NRXN3: variants seen among roughly 807,000 people sequenced by gnomAD.
The protein encoded by NRXN3 is neurexin III.
In NRXN3, 32 loss-of-function variants were observed where a neutral mutation model predicts 137.6. That is an observed-to-expected ratio of 0.23 (90% confidence interval 0.18 to 0.31). The LOEUF (loss-of-function observed/expected upper bound fraction) is 0.31. Among genes scored for constraint, NRXN3 ranks in the 10% least tolerant of loss-of-function variants. NRXN3 has a pLI of 1.00. For synonymous variants in NRXN3, 798 were observed against 784.5 expected, an observed-to-expected ratio of 1.02 and a Z score of -0.29; for missense variants, 1,574 against 2,062.5, an observed-to-expected ratio of 0.76 and a Z score of 4.59.
chr14:78,811,128 T>C (rs1304371892), intron 10 of NRXN3, among the ~76,000 whole-genome samples: 1 of 152,212 alleles, frequency 6.6e-6, no homozygotes, highest in Non-Finnish European at 1.5e-5. Flanking sequence ...GGAAGAAATA[T>C]GCTTTGAGTA....
intron 15 of NRXN3, among the ~76,000 whole-genome samples, chr14:79,076,192 A>C (rs1003891112): frequency 6.6e-6 from 1 of 152,108 alleles, no homozygotes; most frequent in African/African-American, 2.4e-5. Flanking sequence ...CTTGATTCTC[A>C]TTGTTCATTC....
At chr14:78,502,134 A>G (rs2095889798) in intron 4 of NRXN3, among the ~76,000 whole-genome samples, 1 of 152,154 alleles carries the variant, frequency 6.6e-6, no homozygotes, top group Non-Finnish European at 1.5e-5. Context: ...CCCCCAGCAC[A>G]GAAATATCTG....
At chr14:78,537,446 T>TTGG (rs946654360) in intron 4 of NRXN3, among the ~76,000 whole-genome samples, 4 of 152,238 alleles carry the variant, frequency 2.6e-5, no homozygotes, top group African/African-American at 9.6e-5. Context: ...TGCCCACTTT[T>TTGG]TGGTGGGGTT....
At chr14:78,843,885 G>T (rs1161164309) in intron 10 of NRXN3, among the ~76,000 whole-genome samples, 2 of 152,116 alleles carry the variant, frequency 1.3e-5, no homozygotes, top group East Asian at 3.9e-4. Context: ...TCTCAGGTCT[G>T]CAGCCTTGCA....
intron 19 of NRXN3, among the ~76,000 whole-genome samples, chr14:79,742,427 C>G (rs1176870886): frequency 6.6e-6 from 1 of 152,050 alleles, no homozygotes; most frequent in East Asian, 1.9e-4. Context: ...ACACCCCCTC[C>G]CTCCCTTCTT....
chr14:79,853,683 A>G, intron 20 of NRXN3: 1 of 1,291,032 alleles, frequency 7.7e-7, no homozygotes, highest in Non-Finnish European at 1.0e-6. Context: ...TTTCCTTCCC[A>G]TTCTCCCCCT....
chr14:79,063,642 C>T (rs2099677006), intron 15 of NRXN3, among the ~76,000 whole-genome samples: 1 of 152,154 alleles, frequency 6.6e-6, no homozygotes, highest in Non-Finnish European at 1.5e-5. Flanking sequence ...CACATCATCA[C>T]AGGCATTTCT....
chr14:79,123,273 G>A (rs2055803267), intron 15 of NRXN3, among the ~76,000 whole-genome samples: 2 of 152,034 alleles, frequency 1.3e-5, no homozygotes, highest in African/African-American at 4.8e-5. Context: ...GCCTGGGAAG[G>A]AAGAGCCCCC....
At chr14:79,236,746 T>C (rs2073427825) in intron 15 of NRXN3, among the ~76,000 whole-genome samples, 1 of 151,858 alleles carries the variant, frequency 6.6e-6, no homozygotes, top group Admixed American at 6.6e-5. Context: ...ATGCTGTCTC[T>C]AAAACAAAAA....
intron 4 of NRXN3, among the ~76,000 whole-genome samples, chr14:78,492,326 A>G (rs763548837): frequency 7.2e-5 from 11 of 152,160 alleles, no homozygotes; most frequent in Non-Finnish European, 1.5e-4. Context: ...AAATGAAAAT[A>G]TTTTAAAAAT....
At chr14:79,792,557 A>T in intron 19 of NRXN3, among the ~76,000 whole-genome samples, 1 of 152,388 alleles carries the variant, frequency 6.6e-6, no homozygotes, top group Admixed American at 6.5e-5. Flanking sequence ...AACTAAATAA[A>T]GATGCTTAGA....
At chr14:79,663,230 ATGTGTGTGTGTGTACGCGTGTGTG>A (rs1266172694) in intron 16 of NRXN3, among the ~76,000 whole-genome samples, 3 of 150,428 alleles carry the variant, frequency 2.0e-5, no homozygotes, top group African/African-American at 4.9e-5. Context: ...CATTATGTGC[ATGTGTGTGTGTGTACGCGTGTGTG>A]TGTGTGTGTG....
At chr14:79,436,122 T>G (rs1368804636) in intron 15 of NRXN3, among the ~76,000 whole-genome samples, 2 of 152,084 alleles carry the variant, frequency 1.3e-5, no homozygotes, top group East Asian at 3.9e-4. Context: ...TGGGGGACAC[T>G]GCTCCAAAAG....
intron 15 of NRXN3, among the ~76,000 whole-genome samples, chr14:79,062,346 T>A (rs2099675267): frequency 6.6e-6 from 1 of 152,138 alleles, no homozygotes; most frequent in Admixed American, 6.5e-5. Flanking sequence ...ATGAGGGAAA[T>A]TGTAATTAAA....
intron 10 of NRXN3, among the ~76,000 whole-genome samples, chr14:78,906,741 G>C (rs932314734): frequency 6.6e-6 from 1 of 151,966 alleles, no homozygotes; most frequent in Non-Finnish European, 1.5e-5. Context: ...TTCTCTGTTT[G>C]GTTTCTTCTT....
chr14:79,245,710 C>A (rs2153359860), intron 15 of NRXN3, among the ~76,000 whole-genome samples: 1 of 152,208 alleles, frequency 6.6e-6, no homozygotes, highest in South Asian at 2.1e-4. Context: ...TTGTTGCAAG[C>A]ACTCCTGGCA....
chr14:78,480,926 C>T (rs546892184), intron 4 of NRXN3, among the ~76,000 whole-genome samples: 66 of 152,238 alleles, frequency 4.3e-4, no homozygotes, highest in African/African-American at 1.5e-3. Context: ...TTTCCCCTAC[C>T]AGTCCATGTT....
intron 20 of NRXN3, among the ~76,000 whole-genome samples, chr14:79,821,428 TTAAA>T (rs1460337823): frequency 6.6e-6 from 1 of 152,178 alleles, no homozygotes; most frequent in African/African-American, 2.4e-5. Context: ...ATGCCCTCAT[TTAAA>T]GGCATCCAAA....
chr14:79,735,249 C>T (rs1179696252), intron 19 of NRXN3, among the ~76,000 whole-genome samples: 1 of 152,164 alleles, frequency 6.6e-6, no homozygotes, highest in Non-Finnish European at 1.5e-5. Context: ...ACATTTGTAG[C>T]TTTGTACACC....
Sources: allele counts gnomAD v4.1 joint callset (sites outside exome capture counted in the v4.1 genomes callset), GRCh38; gene constraint gnomAD v4.1.1; transcripts MANE v1.5; gene names NCBI Gene and HGNC (gene_info 2026-07-23, HGNC 2026-07-21).